PTPRM: variants seen among roughly 807,000 people sequenced by gnomAD.
PTPRM encodes protein tyrosine phosphatase receptor type M.
In PTPRM, 47 loss-of-function variants were observed where a neutral mutation model predicts 186.7. That is an observed-to-expected ratio of 0.25 (90% CI 0.20 to 0.32). PTPRM has a LOEUF of 0.32. Ranked by LOEUF, PTPRM falls within the 10% of genes least tolerant of loss-of-function variation. PTPRM has a pLI of 1.00. For missense variants in PTPRM, 1,494 were observed against 1,865.0 expected, an observed-to-expected ratio of 0.80 and a Z score of 3.66; for synonymous variants, 668 against 674.9, an observed-to-expected ratio of 0.99 and a Z score of 0.16.
At position 7,828,053 on chromosome 18, in the gene PTPRM, TA is replaced by T. The variant is rs143760910; in HGVS notation, c.196+53790del. 2.0e-3 allele frequency among the ~76,000 whole-genome samples: 302 copies of T among 152,030 alleles called. 11 individuals carry two copies. In the East Asian group the frequency reaches 0.048, roughly 24 times the overall value. On this transcript the variant is annotated intron_variant, in intron 2 of 32. Coordinates refer to ENST00000580170, the MANE Select transcript of PTPRM (RefSeq NM_001105244.2). ...GATAATCCGAATCATTTGGGAAGTT[TA>T]AAAAAAATTGTGCTTGTATAGGTGT...
chr18:7,745,648 G>T (rs1256153398), intron 1 of PTPRM, among the ~76,000 whole-genome samples: 1 of 152,064 alleles, frequency 6.6e-6, no homozygotes, highest in Non-Finnish European at 1.5e-5. Flanking sequence ...ATATGTACTT[G>T]GCAGAAGACA....
intron 30 of PTPRM, among the ~76,000 whole-genome samples, chr18:8,385,834 G>A (rs1052162280): frequency 6.6e-6 from 1 of 152,200 alleles, no homozygotes; most frequent in Non-Finnish European, 1.5e-5. Flanking sequence ...GAGGAGAGAG[G>A]CATCAGGAGG....
At chr18:7,605,439 T>C (rs1342216938) in intron 1 of PTPRM, among the ~76,000 whole-genome samples, 2 of 149,914 alleles carry the variant, frequency 1.3e-5, no homozygotes, top group African/African-American at 4.9e-5. Flanking sequence ...ACTTCCGTTC[T>C]AGTACCATAC....
chr18:7,711,027 G>C (rs997811674), intron 1 of PTPRM, among the ~76,000 whole-genome samples: 8 of 152,060 alleles, frequency 5.3e-5, no homozygotes, highest in South Asian at 4.1e-4. Context: ...ATGTGGGTTG[G>C]GGGGGAATCT....
intron 23 of PTPRM, among the ~76,000 whole-genome samples, chr18:8,359,269 A>G (rs945663241): frequency 6.6e-6 from 1 of 152,246 alleles, no homozygotes; most frequent in African/African-American, 2.4e-5. Flanking sequence ...GCAGGTCTGA[A>G]TAACAAGTGC....
chr18:7,856,337 G>A (rs1443610), intron 2 of PTPRM, among the ~76,000 whole-genome samples: 106,871 of 152,118 alleles, frequency 0.7, 38,394 homozygotes, highest in East Asian at 0.96. Context: ...TATGATAGCA[G>A]TTTGAACAGA....
intron 1 of PTPRM, among the ~76,000 whole-genome samples, chr18:7,649,523 G>A (rs1340101519): frequency 6.6e-6 from 1 of 152,162 alleles, no homozygotes; most frequent in Non-Finnish European, 1.5e-5. Context: ...CATGGGAGGA[G>A]GTGAACATAT....
intron 20 of PTPRM, among the ~76,000 whole-genome samples, chr18:8,307,759 G>A (rs560636758): frequency 9.2e-5 from 14 of 151,698 alleles, no homozygotes; most frequent in South Asian, 2.1e-4. Flanking sequence ...AGCCAAGATC[G>A]CGCCATTGCA....
chr18:7,831,579 G>T (rs1224733697), intron 2 of PTPRM, among the ~76,000 whole-genome samples: 1 of 151,880 alleles, frequency 6.6e-6, no homozygotes, highest in African/African-American at 2.4e-5. Flanking sequence ...TCATGAAAAG[G>T]GGTATATATC....
At chr18:7,842,930 G>GTGTGTGTGTA (rs377182615) in intron 2 of PTPRM, among the ~76,000 whole-genome samples, 47 of 100,932 alleles carry the variant, frequency 4.7e-4, no homozygotes, top group African/African-American at 2.2e-3. Flanking sequence ...GTGTGTGTGT[G>GTGTGTGTGTA]TATATATATA....
At chr18:8,015,688 A>G (rs8082776) in intron 7 of PTPRM, among the ~76,000 whole-genome samples, 99,025 of 152,052 alleles carry the variant, frequency 0.65, 32,593 homozygotes, top group African/African-American at 0.74. Flanking sequence ...TGTTGAAGAA[A>G]GAAATAATTT....
intron 1 of PTPRM, among the ~76,000 whole-genome samples, chr18:7,678,029 G>C (rs375515754): frequency 3.3e-5 from 5 of 151,980 alleles, no homozygotes; most frequent in Admixed American, 2.0e-4. Context: ...ATTGAATGAA[G>C]GACTGAATGA....
At chr18:8,353,652 C>G (rs1262238083) in intron 23 of PTPRM, among the ~76,000 whole-genome samples, 1 of 152,042 alleles carries the variant, frequency 6.6e-6, no homozygotes, top group East Asian at 1.9e-4. Flanking sequence ...AGCCCACCCC[C>G]ACACCCCCAA....
At chr18:8,055,661 T>C (rs959897064) in intron 7 of PTPRM, among the ~76,000 whole-genome samples, 1 of 152,228 alleles carries the variant, frequency 6.6e-6, no homozygotes, top group Non-Finnish European at 1.5e-5. Context: ...TGTCAGGGCA[T>C]CTTGTTTTCT....
intron 22 of PTPRM, among the ~76,000 whole-genome samples, chr18:8,324,955 T>G (rs762272364): frequency 6.6e-6 from 1 of 152,184 alleles, no homozygotes; most frequent in Non-Finnish European, 1.5e-5. Context: ...GCAAATGCCA[T>G]GTATGCGTGA....
chr18:7,811,084 T>A (rs540903670), intron 2 of PTPRM, among the ~76,000 whole-genome samples: 4 of 152,274 alleles, frequency 2.6e-5, no homozygotes, highest in South Asian at 2.1e-4. Flanking sequence ...GTGTGCCTCA[T>A]GAAATAATCC....
At chr18:8,114,377 T>C (rs1472882153) in intron 12 of PTPRM, among the ~76,000 whole-genome samples, 1 of 152,102 alleles carries the variant, frequency 6.6e-6, no homozygotes, top group Non-Finnish European at 1.5e-5. Flanking sequence ...CCACAGTGGG[T>C]CCCTCCTTCG....
At chr18:8,244,492 A>G (rs927130008) in intron 15 of PTPRM, among the ~76,000 whole-genome samples, 1 of 152,152 alleles carries the variant, frequency 6.6e-6, no homozygotes, top group African/African-American at 2.4e-5. Flanking sequence ...GGAAGAAGGC[A>G]CCTGCTTCTC....
At chr18:8,226,837 G>C (rs751039859) in intron 14 of PTPRM, among the ~76,000 whole-genome samples, 2 of 152,162 alleles carry the variant, frequency 1.3e-5, no homozygotes, top group Admixed American at 1.3e-4. Flanking sequence ...GGGACTCTAA[G>C]AGAGAATTCA....
Sources: allele counts gnomAD v4.1 joint callset (sites outside exome capture counted in the v4.1 genomes callset), GRCh38; gene constraint gnomAD v4.1.1; transcripts MANE v1.5; gene names NCBI Gene and HGNC (gene_info 2026-07-23, HGNC 2026-07-21).